FRMD4A: variants seen among roughly 807,000 people sequenced by gnomAD.
FRMD4A encodes the protein FERM domain containing 4A.
A neutral mutation model predicts 129.1 loss-of-function variants in FRMD4A; 29 were observed. The ratio of observed to expected loss-of-function variants is 0.22; its 90% CI spans 0.17 to 0.31. The LOEUF (loss-of-function observed/expected upper bound fraction) is 0.31. Among genes scored for constraint, FRMD4A ranks in the 10% least tolerant of loss-of-function variants. The probability of loss-of-function intolerance (pLI) is 1.00; values close to 1 mark genes in which losing one functional copy is unlikely to be tolerated. For missense variants in FRMD4A, 1,272 were observed against 1,375.8 expected, an observed-to-expected ratio of 0.92 and a Z score of 1.19; for synonymous variants, 634 against 571.6, an observed-to-expected ratio of 1.11 and a Z score of -1.56.
intron 2 of FRMD4A, among the ~76,000 whole-genome samples, chr10:13,948,474 A>G (rs2095348514): frequency 6.6e-6 from 1 of 152,138 alleles, no homozygotes. Flanking sequence ...CTCAGCAGAC[A>G]AGTGACTTAT....
chr10:13,880,547 G>C (rs891399497), intron 2 of FRMD4A, among the ~76,000 whole-genome samples: 1 of 152,140 alleles, frequency 6.6e-6, no homozygotes, highest in Admixed American at 6.5e-5. Flanking sequence ...TCCACAATGG[G>C]GAGAGCCCCC....
intron 2 of FRMD4A, among the ~76,000 whole-genome samples, chr10:13,959,321 A>C (rs1380433757): frequency 6.6e-6 from 1 of 151,970 alleles, no homozygotes; most frequent in East Asian, 1.9e-4. Flanking sequence ...AAAATATAAA[A>C]ATTAGCCAGG....
At chr10:14,068,497 A>T (rs1398873157) in intron 2 of FRMD4A, among the ~76,000 whole-genome samples, 1 of 152,204 alleles carries the variant, frequency 6.6e-6, no homozygotes, top group Non-Finnish European at 1.5e-5. Flanking sequence ...TATTTTGTTC[A>T]TTACGTTTGA....
intron 15 of FRMD4A, chr10:13,684,984 T>C (rs2084943259): frequency 1.0e-6 from 1 of 982,174 alleles, no homozygotes; most frequent in Non-Finnish European, 1.2e-6. Context: ...GTTAGAATTC[T>C]TCTTTATGAT....
rs545360031 is a variant in FRMD4A, at chr10:14,255,717, T to C, written c.45+74341A>G. On this transcript the variant is annotated intron_variant, in intron 2 of 24. Coordinates refer to ENST00000357447, the MANE Select transcript of FRMD4A (RefSeq NM_018027.5). Reference sequence around the variant, plus strand: ...GAAGAAAAAAATTGAGTTTAAATTTTGGTTGCCAGGCTGGGCGGTGGCTCA... The same window carrying C: ...GAAGAAAAAAATTGAGTTTAAATTTCGGTTGCCAGGCTGGGCGGTGGCTCA... Among the ~76,000 whole-genome samples, 32 of 152,262 alleles carry C rather than the reference T, an allele frequency of 2.1e-4. No homozygotes were observed. In the South Asian group the frequency reaches 5.2e-3, roughly 25 times the overall value.
chr10:13,674,926 C>G lies in FRMD4A; in HGVS notation c.1236G>C (p.Leu412=), dbSNP rs145481946. ...AAAGGCTTACAGCTTCTCGGAGACACAGCTTCTTCAGTTCCTCCAGCCTCT... is the reference window on the plus strand; with the variant it reads ...AAAGGCTTACAGCTTCTCGGAGACAGAGCTTCTTCAGTTCCTCCAGCCTCT... ...LRQRLEELKK[L]CLREAELTGK... Residue 412 remains leucine, a synonymous_variant, in exon 16 of 25, where the codon CTG becomes CTC. Transcript: ENST00000357447. The G allele has an allele frequency of 2.5e-6, 4 of 1,614,068 alleles. No homozygotes were observed. The highest frequency in any genetic ancestry group is 4.5e-5 in the East Asian group (2 of 44,900).
intron 2 of FRMD4A, among the ~76,000 whole-genome samples, chr10:14,048,288 G>A (rs182906677): frequency 1.5e-3 from 223 of 152,312 alleles, no homozygotes; most frequent in African/African-American, 5.0e-3. Context: ...GGACCGGGAA[G>A]CAGGAACTTT....
chr10:14,316,868 G>A (rs1247773538), intron 2 of FRMD4A, among the ~76,000 whole-genome samples: 1 of 152,198 alleles, frequency 6.6e-6, no homozygotes, highest in Non-Finnish European at 1.5e-5. Context: ...AACTAAAGAA[G>A]TGTCCTGTTT....
In FRMD4A at chr10:13,741,193, T is replaced by G. The variant is rs113465616; in HGVS notation, c.549-616A>C. On this transcript the variant is annotated intron_variant, in intron 9 of 24. Transcript: ENST00000357447. ...GGCCGGGTGCAGTGGCTCACCCCTG[T>G]AATCCCAGTGTTTAGGGAGGCTGAC... Among the ~76,000 whole-genome samples the G allele has an allele frequency of 6.1e-3, 930 of 151,626 alleles. 11 individuals are homozygous for G. Among genetic ancestry groups the G allele is most frequent in the African/African-American group, 0.018 (745 of 41,342 alleles).
intron 2 of FRMD4A, among the ~76,000 whole-genome samples, chr10:14,098,659 C>T (rs924348978): frequency 3.9e-5 from 6 of 152,116 alleles, no homozygotes; most frequent in Non-Finnish European, 7.4e-5. Flanking sequence ...CCGCCCGCCT[C>T]GACCTCCCAA....
intron 2 of FRMD4A, among the ~76,000 whole-genome samples, chr10:14,121,661 C>G (rs1276557336): frequency 6.6e-6 from 1 of 152,170 alleles, no homozygotes; most frequent in Non-Finnish European, 1.5e-5. Flanking sequence ...CTCCCTCCTC[C>G]CCTGGAACTT....
chr10:14,219,535 T>C (rs1422108673), intron 2 of FRMD4A, among the ~76,000 whole-genome samples: 1 of 152,216 alleles, frequency 6.6e-6, no homozygotes, highest in East Asian at 1.9e-4. Context: ...GAGGTCATGG[T>C]ACAAGGTGGA....
intron 5 of FRMD4A, among the ~76,000 whole-genome samples, chr10:13,789,664 T>C (rs1167935762): frequency 6.6e-6 from 1 of 151,818 alleles, no homozygotes; most frequent in Non-Finnish European, 1.5e-5. Context: ...GCTTGCCTGG[T>C]GAACAATATC....
intron 2 of FRMD4A, among the ~76,000 whole-genome samples, chr10:13,960,653 C>T (rs1261924510): frequency 6.6e-6 from 1 of 152,188 alleles, no homozygotes; most frequent in African/African-American, 2.4e-5. Context: ...GACTTCAGGG[C>T]ACATGCTCCT....
chr10:14,218,328 A>T (rs1425584550), intron 2 of FRMD4A, among the ~76,000 whole-genome samples: 1 of 152,234 alleles, frequency 6.6e-6, no homozygotes, highest in Admixed American at 6.5e-5. Flanking sequence ...TCTTTCATCC[A>T]GTGGGCATAG....
intron 2 of FRMD4A, among the ~76,000 whole-genome samples, chr10:13,871,846 A>G (rs1468300485): frequency 6.6e-6 from 1 of 152,208 alleles, no homozygotes; most frequent in Non-Finnish European, 1.5e-5. Flanking sequence ...TCTGAGCCAC[A>G]CACTGTGCCT....
intron 2 of FRMD4A, among the ~76,000 whole-genome samples, chr10:14,010,074 T>C (rs1313384216): frequency 1.3e-5 from 2 of 152,002 alleles, no homozygotes; most frequent in African/African-American, 2.4e-5. Context: ...ACTTTATCTG[T>C]TGAGAGTCAC....
intron 2 of FRMD4A, among the ~76,000 whole-genome samples, chr10:14,121,720 G>C (rs1179705593): frequency 2.6e-5 from 4 of 152,204 alleles, no homozygotes; most frequent in Non-Finnish European, 5.9e-5. Context: ...ACAAGCCTAA[G>C]AGCATGTCGA....
intron 3 of FRMD4A, among the ~76,000 whole-genome samples, chr10:13,824,885 ACT>A (rs1490951261): frequency 7.3e-6 from 1 of 136,780 alleles, no homozygotes; most frequent in Non-Finnish European, 1.5e-5. Flanking sequence ...ACAGAGCAAG[ACT>A]CTGTCTCAAA....
Sources: gnomAD v4.1 joint callset for allele counts (sites outside exome capture counted in the v4.1 genomes callset) on GRCh38, gnomAD v4.1.1 for gene constraint, MANE v1.5 for transcripts, NCBI Gene and HGNC (gene_info 2026-07-23, HGNC 2026-07-21) for gene names.